Variants in MYO1D observed in about 807,000 individuals in gnomAD.
MYO1D encodes myosin ID.
MYO1D carries 83 observed loss-of-function variants against 122.0 expected under a neutral mutation model. The observed-to-expected ratio is 0.68, with a 90% CI of 0.57 to 0.82. The LOEUF (loss-of-function observed/expected upper bound fraction) is 0.82, where lower values mean the gene tolerates loss of function less well. Ranked by LOEUF, MYO1D falls within the 40% of genes least tolerant of loss-of-function variation. The pLI, the probability that MYO1D is intolerant of heterozygous loss-of-function variation, is 0.00. For missense variants in MYO1D, 1,157 were observed against 1,269.5 expected, an observed-to-expected ratio of 0.91 and a Z score of 1.35; for synonymous variants, 464 against 446.9, an observed-to-expected ratio of 1.04 and a Z score of -0.48.
chr17:32,605,576 C>T (rs1597926386), intron 20 of MYO1D, among the ~76,000 whole-genome samples: 1 of 151,992 alleles, frequency 6.6e-6, no homozygotes, highest in East Asian at 1.9e-4. Flanking sequence ...AAAAACAATA[C>T]AGAAAAATTA....
intron 1 of MYO1D, among the ~76,000 whole-genome samples, chr17:32,872,516 C>A (rs1025828721): frequency 2.0e-5 from 3 of 151,938 alleles, no homozygotes; most frequent in Non-Finnish European, 4.4e-5. Flanking sequence ...CCTCATGATC[C>A]GCCCGCCTCA....
At chr17:32,665,982 T>C (rs543835953) in intron 16 of MYO1D, among the ~76,000 whole-genome samples, 1 of 152,304 alleles carries the variant, frequency 6.6e-6, no homozygotes, top group Non-Finnish European at 1.5e-5. Flanking sequence ...GGTCTCAATA[T>C]GGTACCTGAC....
chr17:32,774,187 G>C (rs889721356), intron 4 of MYO1D, among the ~76,000 whole-genome samples: 1 of 152,160 alleles, frequency 6.6e-6, no homozygotes, highest in African/African-American at 2.4e-5. Flanking sequence ...GGAGCTAAAG[G>C]CATAGTCAAG....
intron 21 of MYO1D, among the ~76,000 whole-genome samples, chr17:32,500,040 G>A (rs1052690612): frequency 1.3e-5 from 2 of 152,164 alleles, no homozygotes; most frequent in Non-Finnish European, 2.9e-5. Context: ...CACATGTACT[G>A]GTCTCCACTT....
Position 32,659,879 on chromosome 17 carries a change from G to C in MYO1D, c.2122-541C>G, listed in dbSNP as rs542459493. On this transcript the variant is annotated intron_variant, in intron 16 of 21. Coordinates refer to ENST00000318217, the MANE Select transcript of MYO1D (RefSeq NM_015194.3). Reference sequence around the variant, plus strand: ...ATGGGTAAAGGGTAAATCAGATTACGTACTAATATCCTGTGAATCTTTGTT... The same window carrying C: ...ATGGGTAAAGGGTAAATCAGATTACCTACTAATATCCTGTGAATCTTTGTT... Among the ~76,000 whole-genome samples the C allele has an allele frequency of 7.2e-5, 11 of 152,270 alleles. No homozygotes were observed. The East Asian group carries it at 2.1e-3, about 29-fold the overall frequency.
intron 21 of MYO1D, among the ~76,000 whole-genome samples, chr17:32,604,616 A>C (rs972302015): frequency 6.6e-6 from 1 of 152,192 alleles, no homozygotes; most frequent in African/African-American, 2.4e-5. Context: ...GCCATGTTCC[A>C]TCATGACTCC....
At chr17:32,776,587 T>C (rs1303780910) in intron 3 of MYO1D, among the ~76,000 whole-genome samples, 2 of 152,232 alleles carry the variant, frequency 1.3e-5, no homozygotes, top group African/African-American at 4.8e-5. Flanking sequence ...AAAAGATGTG[T>C]TCTGAAAAGG....
At chr17:32,591,339 T>C (rs1354711576) in intron 21 of MYO1D, among the ~76,000 whole-genome samples, 2 of 152,248 alleles carry the variant, frequency 1.3e-5, no homozygotes, top group Non-Finnish European at 2.9e-5. Flanking sequence ...AAGTTCATTA[T>C]GTGGAAGCCT....
intron 1 of MYO1D, among the ~76,000 whole-genome samples, chr17:32,830,882 C>T (rs570608714): frequency 1.1e-3 from 160 of 152,208 alleles, no homozygotes; most frequent in Non-Finnish European, 2.0e-3. Flanking sequence ...ACGGTGAAAC[C>T]CGTCTCTACT....
intron 3 of MYO1D, 108 bp downstream of exon 3, chr17:32,778,372 C>T (rs992608070): frequency 4.4e-5 from 41 of 934,146 alleles, no homozygotes; most frequent in Non-Finnish European, 6.2e-5. Context: ...ATGCTCAGCC[C>T]ATAGGTTTAG....
chr17:32,546,933 G>T (rs2086969595), intron 21 of MYO1D, among the ~76,000 whole-genome samples: 1 of 147,890 alleles, frequency 6.8e-6, no homozygotes. Context: ...TTTAGAGACA[G>T]GGTCTTGCTT....
chr17:32,543,050 C>G (rs1291522220), intron 21 of MYO1D, among the ~76,000 whole-genome samples: 5 of 151,408 alleles, frequency 3.3e-5, no homozygotes, highest in Non-Finnish European at 7.4e-5. Flanking sequence ...CACGGTGAAA[C>G]CCCGTCTCTA....
chr17:32,725,203 T>C (rs140743534), intron 14 of MYO1D, among the ~76,000 whole-genome samples: 2,789 of 152,072 alleles, frequency 0.018, 67 homozygotes, highest in African/African-American at 0.061. Context: ...ACTCAGTGGA[T>C]CAGTACAAGA....
At chr17:32,870,014 C>T (rs2091165182) in intron 1 of MYO1D, among the ~76,000 whole-genome samples, 1 of 152,122 alleles carries the variant, frequency 6.6e-6, no homozygotes, top group Non-Finnish European at 1.5e-5. Flanking sequence ...CTTGATTCCA[C>T]CCACATCTGG....
Position 32,661,911 on chromosome 17 carries a change from T to C in MYO1D, c.2122-2573A>G, listed in dbSNP as rs77071728. Among the ~76,000 whole-genome samples the C allele has an allele frequency of 1.9e-3, 292 of 152,338 alleles. 1 individual carries two copies. Among genetic ancestry groups the C allele is most frequent in the African/African-American group, 6.5e-3 (272 of 41,584 alleles). ...TATATTACACATATATTTGGTTCAT[T>C]GCTGTGCTAAGAAGTATGAATGTTC... On this transcript the variant is annotated intron_variant, in intron 16 of 21. Transcript: ENST00000318217.
intron 1 of MYO1D, among the ~76,000 whole-genome samples, chr17:32,851,279 C>T (rs1161341477): frequency 6.6e-6 from 1 of 152,178 alleles, no homozygotes; most frequent in Non-Finnish European, 1.5e-5. Flanking sequence ...TTACCTACAT[C>T]CACCCTAATC....
chr17:32,584,082 G>A, intron 21 of MYO1D, among the ~76,000 whole-genome samples: 1 of 152,140 alleles, frequency 6.6e-6, no homozygotes. Context: ...GGGATTACAG[G>A]GGTGAGCCAC....
At chr17:32,544,385 G>A (rs942823530) in intron 21 of MYO1D, among the ~76,000 whole-genome samples, 5 of 152,170 alleles carry the variant, frequency 3.3e-5, no homozygotes, top group Non-Finnish European at 5.9e-5. Flanking sequence ...ACAGGCATGA[G>A]CCACTGTGCC....
At chr17:32,576,128 G>T in intron 21 of MYO1D, among the ~76,000 whole-genome samples, 1 of 152,188 alleles carries the variant, frequency 6.6e-6, no homozygotes, top group East Asian at 1.9e-4. Context: ...TCAGGGGTGA[G>T]TCAGGAGAAG....
Sources: allele counts gnomAD v4.1 joint callset (sites outside exome capture counted in the v4.1 genomes callset), GRCh38; gene constraint gnomAD v4.1.1; transcripts MANE v1.5; gene names NCBI Gene and HGNC (gene_info 2026-07-23, HGNC 2026-07-21).